The following SLC1A1 variants were observed in gnomAD, a reference collection of about 807,000 sequenced individuals.
SLC1A1 encodes the protein excitatory amino acid transporter 3.
SLC1A1 carries 43 observed loss-of-function variants against 53.3 expected under a neutral mutation model. The ratio of observed to expected loss-of-function variants is 0.81; its 90% confidence interval spans 0.63 to 1.04. The LOEUF (loss-of-function observed/expected upper bound fraction) is 1.04. Ranked by LOEUF, SLC1A1 falls within the 50% of genes least tolerant of loss-of-function variation. The pLI, the probability that SLC1A1 is intolerant of heterozygous loss-of-function variation, is 0.00. For synonymous variants in SLC1A1, 307 were observed against 243.2 expected (o/e 1.26, Z -2.44); for missense variants, 748 against 664.9 (o/e 1.12, Z -1.37).
intron 1 of SLC1A1, among the ~76,000 whole-genome samples, chr9:4,505,605 G>A (rs570874085): frequency 6.6e-6 from 1 of 152,278 alleles, no homozygotes; most frequent in South Asian, 2.1e-4. Context: ...AAGTTAGTTA[G>A]AATGAGGAAG....
intron 2 of SLC1A1, among the ~76,000 whole-genome samples, chr9:4,557,626 T>TAA (rs538528891): frequency 0.24 from 36,139 of 148,952 alleles, 4,992 homozygotes; most frequent in East Asian, 0.45. Context: ...TCTCTACAAT[T>TAA]AAAAAAAAAA....
intron 1 of SLC1A1, among the ~76,000 whole-genome samples, chr9:4,529,863 T>C (rs1050082404): frequency 2.6e-5 from 4 of 152,174 alleles, no homozygotes; most frequent in African/African-American, 9.6e-5. Context: ...ACCACAATAG[T>C]GTCCTTTTGC....
chr9:4,534,922 T>A (rs1586723016), intron 1 of SLC1A1, among the ~76,000 whole-genome samples: 1 of 152,082 alleles, frequency 6.6e-6, no homozygotes, highest in African/African-American at 2.4e-5. Context: ...TCAATAAACA[T>A]AATCCAGCAT....
chr9:4,584,756 G>T (rs1250222611), intron 11 of SLC1A1, among the ~76,000 whole-genome samples: 3 of 152,126 alleles, frequency 2.0e-5, no homozygotes, highest in African/African-American at 7.2e-5. Flanking sequence ...CCATTCCTGG[G>T]CTGACCTGTG....
intron 1 of SLC1A1, among the ~76,000 whole-genome samples, chr9:4,497,215 A>G (rs1820462706): frequency 1.3e-5 from 2 of 152,142 alleles, no homozygotes; most frequent in Non-Finnish European, 2.9e-5. Context: ...AAATGATTTA[A>G]TCTTTCCATC....
chr9:4,511,496 C>T (rs895086533), intron 1 of SLC1A1, among the ~76,000 whole-genome samples: 8 of 151,816 alleles, frequency 5.3e-5, no homozygotes, highest in African/African-American at 1.9e-4. Context: ...TGAAGGAGGA[C>T]ATACACATTC....
At chr9:4,551,975 T>C (rs1817965953) in intron 2 of SLC1A1, among the ~76,000 whole-genome samples, 1 of 152,192 alleles carries the variant, frequency 6.6e-6, no homozygotes. Flanking sequence ...ATAAAATGAA[T>C]AGTGGCAAGA....
chr9:4,560,696 A>T (rs1818850407), intron 2 of SLC1A1, among the ~76,000 whole-genome samples: 1 of 121,744 alleles, frequency 8.2e-6, no homozygotes, highest in Non-Finnish European at 1.5e-5. Context: ...CTCAAGTGTT[A>T]AAAAAAAAAA....
chr9:4,553,193 C>T (rs781097635), intron 2 of SLC1A1, among the ~76,000 whole-genome samples: 10 of 152,032 alleles, frequency 6.6e-5, no homozygotes, highest in Non-Finnish European at 1.3e-4. Flanking sequence ...TCCTCAGATT[C>T]TTTGGGGTAT....
intron 1 of SLC1A1, among the ~76,000 whole-genome samples, chr9:4,541,471 C>T (rs1323070360): frequency 6.6e-6 from 1 of 152,150 alleles, no homozygotes; most frequent in East Asian, 1.9e-4. Context: ...ATTTAACATT[C>T]CATCCTAGTT....
At chr9:4,560,981 G>A (rs189627387) in intron 2 of SLC1A1, among the ~76,000 whole-genome samples, 1 of 150,138 alleles carries the variant, frequency 6.7e-6, no homozygotes, top group South Asian at 2.1e-4. Context: ...GGGTGACAGA[G>A]TAAGACTCTG....
chr9:4,510,043 A>G (rs1820947820), intron 1 of SLC1A1, among the ~76,000 whole-genome samples: 1 of 152,166 alleles, frequency 6.6e-6, no homozygotes, highest in Non-Finnish European at 1.5e-5. Context: ...TGTGTTGGCC[A>G]GGCTGGTTTC....
intron 1 of SLC1A1, among the ~76,000 whole-genome samples, chr9:4,524,522 TG>T (rs1483158012): frequency 6.6e-6 from 1 of 152,176 alleles, no homozygotes; most frequent in African/African-American, 2.4e-5. Context: ...TGTCTTAATC[TG>T]TTTTGTGTGG....
chr9:4,576,901 A>C (rs745561503), intron 10 of SLC1A1, 138 bp downstream of exon 10: 28 of 819,078 alleles, frequency 3.4e-5, no homozygotes, highest in Non-Finnish European at 5.5e-5. Flanking sequence ...CCAAGATTAA[A>C]TACGACTATA....
At chr9:4,566,396 A>G (rs1819489475) in intron 5 of SLC1A1, among the ~76,000 whole-genome samples, 1 of 152,212 alleles carries the variant, frequency 6.6e-6, no homozygotes, top group Admixed American at 6.5e-5. Context: ...GGCCTCCAGT[A>G]CCTATTTTTG....
chr9:4,539,773 G>T (rs1303069806), intron 1 of SLC1A1, among the ~76,000 whole-genome samples: 1 of 151,812 alleles, frequency 6.6e-6, no homozygotes, highest in Admixed American at 6.6e-5. Context: ...GGTTTCACCA[G>T]CTTGGCCAGG....
rs144352265 is a variant in SLC1A1 at position 4,523,426 on chromosome 9, G to A, written c.92-21141G>A. Among the ~76,000 whole-genome samples the A allele has an allele frequency of 1.7e-3, 261 of 151,072 alleles. 1 individual carries two copies. Among genetic ancestry groups the A allele is most frequent in the African/African-American group, 6.2e-3 (254 of 41,120 alleles). On this transcript the variant is annotated intron_variant, in intron 1 of 11. Coordinates refer to ENST00000262352, the MANE Select transcript of SLC1A1 (RefSeq NM_004170.6). ...GACTTTTATTTTGTTGATATCAAGT[G>A]GTATAAATATTAACAAACATTGTAT...
intron 2 of SLC1A1, among the ~76,000 whole-genome samples, chr9:4,547,289 T>G (rs1039342274): frequency 1.3e-5 from 2 of 152,236 alleles, no homozygotes; most frequent in African/African-American, 4.8e-5. Context: ...TCCACTGACA[T>G]AGCCCAGCTA....
intron 2 of SLC1A1, among the ~76,000 whole-genome samples, chr9:4,550,516 T>C (rs1817837598): frequency 6.6e-6 from 1 of 152,128 alleles, no homozygotes; most frequent in Non-Finnish European, 1.5e-5. Context: ...TAAGCCTTCC[T>C]AGTGGCTGGG....
Sources: allele counts gnomAD v4.1 joint callset (sites outside exome capture counted in the v4.1 genomes callset), GRCh38; gene constraint gnomAD v4.1.1; transcripts MANE v1.5; gene names NCBI Gene and HGNC (gene_info 2026-07-23, HGNC 2026-07-21).